Variants in APPL1 observed in about 807,000 individuals in gnomAD.
APPL1 encodes DCC-interacting protein 13-alpha.
APPL1 carries 42 observed loss-of-function variants against 106.8 expected under a neutral mutation model. The ratio of observed to expected loss-of-function variants is 0.39; its 90% CI spans 0.31 to 0.51. APPL1 has a LOEUF of 0.51. APPL1 is among the 20% of genes least tolerant of loss of function. The probability of loss-of-function intolerance (pLI) is 0.75; values close to 1 mark genes in which losing one functional copy is unlikely to be tolerated. For missense variants in APPL1, 769 were observed against 858.2 expected (o/e 0.90, Z 1.30); for synonymous variants, 263 against 281.8 (o/e 0.93, Z 0.67).
At chr3:57,235,322 T>C (rs955606963) in intron 1 of APPL1, among the ~76,000 whole-genome samples, 5 of 152,220 alleles carry the variant, frequency 3.3e-5, no homozygotes, top group Non-Finnish European at 5.9e-5. Context: ...TATGAAAATA[T>C]ACCTCTGTTG....
intron 12 of APPL1, 87 bp from the exon 13 acceptor site, chr3:57,253,595 C>T: frequency 1.0e-6 from 1 of 981,660 alleles, no homozygotes; most frequent in Non-Finnish European, 1.4e-6. Context: ...AATGAAACAT[C>T]TGTTGCAGTT....
rs763890337 is a variant in APPL1 at position 57,269,562 on chromosome 3, T to C, written c.2005T>C (p.Leu669=). 1 of 1,614,084 alleles carries C rather than the reference T, an allele frequency of 6.2e-7. No individual in the cohort carries two copies. The highest frequency in any genetic ancestry group is 8.5e-7 in the Non-Finnish European group (1 of 1,179,986). Residue 669 remains leucine, a synonymous_variant, in exon 22 of 22, where the codon TTG becomes CTG. Coordinates refer to ENST00000288266, the MANE Select transcript of APPL1 (RefSeq NM_012096.3). ...CTAGGACTTGGAAGAACAAAGTCGG[T>C]TGATAGCTGCTTCCAGTAGACCAAA... ...IEKDLEEQSR[L]IAASSRPNQA...
intron 11 of APPL1, among the ~76,000 whole-genome samples, chr3:57,250,871 G>C (rs1349639210): frequency 2.1e-5 from 3 of 140,886 alleles, no homozygotes; most frequent in African/African-American, 5.2e-5. Flanking sequence ...GCAGTGGCGC[G>C]ATCTCGGCTC....
intron 1 of APPL1, among the ~76,000 whole-genome samples, chr3:57,229,320 A>C (rs2060672286): frequency 6.6e-6 from 1 of 150,824 alleles, no homozygotes; most frequent in Non-Finnish European, 1.5e-5. Context: ...TTCTTCTCTT[A>C]CTTGGCTTTT....
rs184154468 is a variant in APPL1, at chr3:57,261,333, C to T, written c.1842+559C>T. On this transcript the variant is annotated intron_variant, in intron 19 of 21. Transcript: ENST00000288266. Reference sequence around the variant, plus strand: ...AATAGTACTCCATTGTGTATATGTACCACATTTTCTTTATTCATTTATCTG... The same window carrying T: ...AATAGTACTCCATTGTGTATATGTATCACATTTTCTTTATTCATTTATCTG... 9.5e-4 allele frequency among the ~76,000 whole-genome samples: 144 copies of T among 152,178 alleles called. 1 individual carries two copies. Among genetic ancestry groups the T allele is most frequent in the African/African-American group, 3.3e-3 (135 of 41,524 alleles).
chr3:57,254,812 A>T (rs981952565), intron 13 of APPL1, among the ~76,000 whole-genome samples: 1 of 152,150 alleles, frequency 6.6e-6, no homozygotes, highest in Non-Finnish European at 1.5e-5. Flanking sequence ...TTTAATAGAG[A>T]CAGGGTTTTG....
chr3:57,252,656 C>T lies in APPL1; in HGVS notation c.1095+345C>T, dbSNP rs565568433. 4.6e-5 allele frequency among the ~76,000 whole-genome samples: 7 copies of T among 152,282 alleles called. No homozygotes were observed. The East Asian group carries it at 1.2e-3, about 25-fold the overall frequency. The stretch of plus-strand genomic sequence containing the variant: ...CACCAATCCTTTGAGACACTATTTG[C>T]TACACTAAGAACATAGTGGCAGCAG... On this transcript the variant is annotated intron_variant, in intron 12 of 21. Coordinates refer to ENST00000288266, the MANE Select transcript of APPL1 (RefSeq NM_012096.3).
At chr3:57,263,052 T>C (rs1254524370) in intron 19 of APPL1, among the ~76,000 whole-genome samples, 1 of 151,920 alleles carries the variant, frequency 6.6e-6, no homozygotes, top group Non-Finnish European at 1.5e-5. Context: ...GGTTTCTCCA[T>C]GTTGGTCAGG....
Position 57,272,134 on chromosome 3 carries a change from C to T in APPL1, c.*2447C>T, listed in dbSNP as rs1325552705. 7 of 152,140 alleles carry T rather than the reference C, an allele frequency of 4.6e-5. No individual in the cohort carries two copies. Among genetic ancestry groups the T allele is most frequent in the African/African-American group, 1.4e-4 (6 of 41,432 alleles). The allele number at this position is 152,140 out of a possible 1,614,324, so 9.4% of individuals were successfully genotyped here. On this transcript the variant is annotated 3_prime_UTR_variant, in exon 22 of 22. Transcript: ENST00000288266. ...ATGGTGTTAGAAATCAACAAAACTC[C>T]TTTTTAAAAAGAAAAGATATTAAGC...
chr3:57,237,187 C>CAAA (rs2060720916), intron 2 of APPL1, among the ~76,000 whole-genome samples: 1 of 152,150 alleles, frequency 6.6e-6, no homozygotes, highest in Non-Finnish European at 1.5e-5. Context: ...AACGTAGATG[C>CAAA]TCTAAAGATT....
intron 7 of APPL1, among the ~76,000 whole-genome samples, chr3:57,245,791 C>T (rs568335257): frequency 3.9e-5 from 6 of 152,034 alleles, no homozygotes; most frequent in South Asian, 2.1e-4. Context: ...GTGATCGTCC[C>T]GCCTCGGCCT....
chr3:57,255,090 A>G (rs982391454), intron 13 of APPL1, among the ~76,000 whole-genome samples: 3 of 152,240 alleles, frequency 2.0e-5, no homozygotes, highest in Admixed American at 2.0e-4. Context: ...AACCAGATGA[A>G]CCCTGAAGTG....
chr3:57,271,076 C>T lies in APPL1; in HGVS notation c.*1389C>T, dbSNP rs1183528135. ...AATACTTTACATAGTCACACATTTACAAATTTTTCAAGAGGTTAGCCACTA... is the reference window on the plus strand; with the variant it reads ...AATACTTTACATAGTCACACATTTATAAATTTTTCAAGAGGTTAGCCACTA... On this transcript the variant is annotated 3_prime_UTR_variant, in exon 22 of 22. Coordinates refer to ENST00000288266, the MANE Select transcript of APPL1 (RefSeq NM_012096.3). The T allele has an allele frequency of 2.0e-5, 3 of 151,818 alleles. No homozygotes were observed. Among genetic ancestry groups the T allele is most frequent in the African/African-American group, 7.3e-5 (3 of 41,288 alleles). 9.4% of individuals were successfully genotyped at this position (151,818 alleles called of 1,614,324 possible). A position where few individuals can be genotyped will look rare whatever the true frequency, so the allele number is the denominator to read the frequency against.
chr3:57,262,371 C>T (rs376702370), intron 19 of APPL1, among the ~76,000 whole-genome samples: 110 of 52,434 alleles, frequency 2.1e-3, no homozygotes, highest in African/African-American at 2.3e-3. Context: ...TTTTTTTTTT[C>T]TATGGAAAAT....
intron 13 of APPL1, among the ~76,000 whole-genome samples, chr3:57,254,239 A>G (rs977503228): frequency 3.3e-5 from 5 of 152,244 alleles, no homozygotes; most frequent in African/African-American, 1.2e-4. Flanking sequence ...AAAGATACTC[A>G]GTCAACCAAC....
intron 10 of APPL1, 25 bp from the exon 11 acceptor site, chr3:57,249,333 AAG>A (rs768451926): frequency 5.4e-5 from 87 of 1,612,052 alleles, no homozygotes; most frequent in Non-Finnish European, 7.0e-5. Context: ...GTTGTTATTA[AAG>A]AGTGAATGTG....
At chr3:57,261,930 G>A (rs190481780) in intron 19 of APPL1, among the ~76,000 whole-genome samples, 11 of 152,212 alleles carry the variant, frequency 7.2e-5, no homozygotes, top group Admixed American at 5.9e-4. Flanking sequence ...ACCAACATCT[G>A]CTATTTTTTG....
chr3:57,268,187 T>A (rs995355282), intron 20 of APPL1, among the ~76,000 whole-genome samples: 1 of 152,154 alleles, frequency 6.6e-6, no homozygotes, highest in African/African-American at 2.4e-5. Context: ...AATAAAATGA[T>A]TTTGCTAAGC....
intron 21 of APPL1, 85 bp from the exon 22 acceptor site, chr3:57,269,456 G>C (rs1324845587): frequency 7.1e-7 from 1 of 1,412,958 alleles, no homozygotes; most frequent in East Asian, 2.3e-5. Flanking sequence ...CAGAAGAAGT[G>C]GCTCTCAAGA....
Sources: allele counts gnomAD v4.1 joint callset (sites outside exome capture counted in the v4.1 genomes callset), GRCh38; gene constraint gnomAD v4.1.1; transcripts MANE v1.5; gene names NCBI Gene and HGNC (gene_info 2026-07-23, HGNC 2026-07-21).